The following EXOC6B variants were observed in gnomAD, a reference collection of about 807,000 sequenced individuals.
EXOC6B encodes SEC15 homolog B.
In EXOC6B, 54 loss-of-function variants were observed where a neutral mutation model predicts 113.5. That is an observed-to-expected ratio of 0.48 (90% CI 0.38 to 0.60). The LOEUF is 0.60. EXOC6B is among the 20% of genes least tolerant of loss of function. The pLI, the probability that EXOC6B is intolerant of heterozygous loss-of-function variation, is 0.00. For missense variants in EXOC6B, 797 were observed against 977.5 expected, an observed-to-expected ratio of 0.82 and a Z score of 2.46; for synonymous variants, 357 against 339.0, an observed-to-expected ratio of 1.05 and a Z score of -0.58.
At chr2:72,568,535 A>G (rs1364683046) in intron 7 of EXOC6B, among the ~76,000 whole-genome samples, 1 of 152,034 alleles carries the variant, frequency 6.6e-6, no homozygotes, top group African/African-American at 2.4e-5. Flanking sequence ...AAACATACAC[A>G]TACACACACA....
At chr2:72,256,295 TAA>T (rs1207223831) in intron 20 of EXOC6B, among the ~76,000 whole-genome samples, 3 of 152,154 alleles carry the variant, frequency 2.0e-5, no homozygotes, top group African/African-American at 7.2e-5. Flanking sequence ...TTTAAGCCAT[TAA>T]GTTTATGGGT....
At chr2:72,762,717 A>G (rs1188624314) in intron 1 of EXOC6B, among the ~76,000 whole-genome samples, 1 of 152,068 alleles carries the variant, frequency 6.6e-6, no homozygotes, top group Non-Finnish European at 1.5e-5. Flanking sequence ...ACAAAAGCAT[A>G]AGGAGCAAAT....
chr2:72,733,940 A>G (rs1384949160), intron 2 of EXOC6B, among the ~76,000 whole-genome samples: 1 of 152,206 alleles, frequency 6.6e-6, no homozygotes, highest in Admixed American at 6.5e-5. Flanking sequence ...CCCTTAGGAC[A>G]TCAAGAAGTG....
chr2:72,179,580 C>T, intron 21 of EXOC6B, 119 bp from the exon 22 acceptor site: 1 of 1,154,408 alleles, frequency 8.7e-7, no homozygotes, highest in South Asian at 1.3e-5. Flanking sequence ...TGAGAGAGTC[C>T]AGAATATCTC....
chr2:72,606,148 A>G (rs1670738860), intron 6 of EXOC6B, among the ~76,000 whole-genome samples: 1 of 152,208 alleles, frequency 6.6e-6, no homozygotes, highest in Non-Finnish European at 1.5e-5. Flanking sequence ...ATAGGCCAAT[A>G]GGAATTAGTC....
chr2:72,367,990 A>C (rs960318642), intron 19 of EXOC6B, among the ~76,000 whole-genome samples: 4 of 152,150 alleles, frequency 2.6e-5, no homozygotes, highest in Non-Finnish European at 4.4e-5. Flanking sequence ...TGGAACTCTT[A>C]GGCAACTCTT....
chr2:72,511,640 C>T (rs937518202), intron 11 of EXOC6B, among the ~76,000 whole-genome samples: 5 of 152,082 alleles, frequency 3.3e-5, no homozygotes, highest in Non-Finnish European at 7.4e-5. Context: ...CATGTTATCC[C>T]ACCTTCACCT....
rs970763884 is a variant in EXOC6B, at chr2:72,579,270, T to C, written c.670-3602A>G. 2.6e-5 allele frequency among the ~76,000 whole-genome samples: 4 copies of C among 152,196 alleles called. No homozygotes were observed. The East Asian group carries it at 7.7e-4, about 29-fold the overall frequency. ...GGAACCATGAAAATAGTAAGTTGAA[T>C]GCAGGATAAAAAAAGATGAGTTCCC... On this transcript the variant is annotated intron_variant, in intron 6 of 21. Coordinates refer to ENST00000272427, the MANE Select transcript of EXOC6B (RefSeq NM_015189.3).
intron 18 of EXOC6B, among the ~76,000 whole-genome samples, chr2:72,383,799 T>C (rs955262617): frequency 3.9e-5 from 6 of 152,078 alleles, no homozygotes; most frequent in Admixed American, 1.3e-4. Flanking sequence ...CTATACACCA[T>C]GGAATACTAC....
At chr2:72,701,999 C>A (rs575994584) in intron 6 of EXOC6B, among the ~76,000 whole-genome samples, 30 of 151,108 alleles carry the variant, frequency 2.0e-4, no homozygotes, top group African/African-American at 1.7e-4. Flanking sequence ...TATACATGTG[C>A]CATGCTGGTG....
chr2:72,514,713 T>C (rs1338705771), intron 9 of EXOC6B, 33 bp from the exon 10 acceptor site: 6 of 1,405,182 alleles, frequency 4.3e-6, no homozygotes, highest in South Asian at 4.0e-5. Flanking sequence ...AAGTTATTGT[T>C]TCTGTTTTGT....
chr2:72,515,873 AC>A (rs1701187593), intron 8 of EXOC6B: 1 of 326,598 alleles, frequency 3.1e-6, no homozygotes, highest in Admixed American at 6.5e-5. Flanking sequence ...GGAGGGTGGG[AC>A]CTTAATAGAG....
chr2:72,437,394 G>A (rs374975082), intron 18 of EXOC6B, among the ~76,000 whole-genome samples: 1 of 152,246 alleles, frequency 6.6e-6, no homozygotes, highest in East Asian at 1.9e-4. Flanking sequence ...CACTTGAGGA[G>A]GCAGTCTGTT....
At chr2:72,619,805 C>G (rs1412069097) in intron 6 of EXOC6B, among the ~76,000 whole-genome samples, 1 of 152,194 alleles carries the variant, frequency 6.6e-6, no homozygotes, top group Admixed American at 6.5e-5. Flanking sequence ...CTCTGCATCC[C>G]TGATTGATGT....
At position 72,702,011 on chromosome 2, in the gene EXOC6B, G is replaced by A. The variant is rs549900986; in HGVS notation, c.669+16092C>T. Reference sequence around the variant, plus strand: ...ATGTATACATGTGCCATGCTGGTGCGCTGCACCCACTAACTCGTCATCTAG... The same window carrying A: ...ATGTATACATGTGCCATGCTGGTGCACTGCACCCACTAACTCGTCATCTAG... On this transcript the variant is annotated intron_variant, in intron 6 of 21. Transcript: ENST00000272427. 1.5e-4 allele frequency among the ~76,000 whole-genome samples: 22 copies of A among 150,960 alleles called. No homozygotes were observed. The East Asian group carries it at 3.9e-3, about 27-fold the overall frequency.
chr2:72,401,514 TAC>T (rs1423565394), intron 18 of EXOC6B, among the ~76,000 whole-genome samples: 10,427 of 51,320 alleles, frequency 0.2, 2,816 homozygotes, highest in African/African-American at 0.63. Context: ...TATATATATA[TAC>T]ATATATACAT....
At chr2:72,566,050 A>G (rs1439369096) in intron 7 of EXOC6B, among the ~76,000 whole-genome samples, 1 of 151,964 alleles carries the variant, frequency 6.6e-6, no homozygotes, top group Non-Finnish European at 1.5e-5. Flanking sequence ...TGCGTATGGT[A>G]AAATTCACTC....
intron 19 of EXOC6B, among the ~76,000 whole-genome samples, chr2:72,339,624 C>G (rs1435956524): frequency 6.6e-6 from 1 of 152,142 alleles, no homozygotes; most frequent in Non-Finnish European, 1.5e-5. Flanking sequence ...TCTGCCCTGC[C>G]CCTGTCCAAG....
intron 19 of EXOC6B, 55 bp downstream of exon 19, chr2:72,379,674 A>G: frequency 6.5e-7 from 1 of 1,534,318 alleles, no homozygotes; most frequent in Non-Finnish European, 8.8e-7. Flanking sequence ...TTTTCCCCTG[A>G]CAGAAATGAG....
Sources: gnomAD v4.1 joint callset for allele counts (sites outside exome capture counted in the v4.1 genomes callset) on GRCh38, gnomAD v4.1.1 for gene constraint, MANE v1.5 for transcripts, NCBI Gene and HGNC (gene_info 2026-07-23, HGNC 2026-07-21) for gene names.